The following NTRK2 variants were observed in gnomAD, a reference collection of about 807,000 sequenced individuals.
The protein encoded by NTRK2 is BDNF/NT-3 growth factors receptor.
NTRK2 carries 13 observed loss-of-function variants against 94.5 expected under a neutral mutation model. The observed-to-expected ratio is 0.14, with a 90% CI of 0.09 to 0.22. The LOEUF (loss-of-function observed/expected upper bound fraction) is 0.22, where lower values mean the gene tolerates loss of function less well. Among genes scored for constraint, NTRK2 ranks in the 10% least tolerant of loss-of-function variants. The pLI is 1.00. For synonymous variants in NTRK2, 372 were observed against 407.4 expected (o/e 0.91, Z 1.05); for missense variants, 639 against 1,071.2 (o/e 0.60, Z 5.63).
intron 16 of NTRK2, 47 bp from the exon 17 acceptor site, chr9:84,955,236 G>A (rs1823967534): frequency 6.6e-7 from 1 of 1,503,942 alleles, no homozygotes. Flanking sequence ...GGCCCCTGGA[G>A]TGAAAATGCT....
In NTRK2 at chr9:84,670,609, A is replaced by T. The variant is rs1244664328; in HGVS notation, c.-140A>T. ...GCTCCGGACCAGCTCAGCCTCTGAT[A>T]AGCTGGACTCGGCACGCCCGCAACA... On this transcript the variant is annotated 5_prime_UTR_variant, in exon 2 of 19. Transcript: ENST00000277120. The T allele has an allele frequency of 2.9e-5, 24 of 834,950 alleles. No individual in the cohort carries two copies. The highest frequency in any genetic ancestry group is 4.4e-5 in the Non-Finnish European group (22 of 501,306). 51.7% of individuals were successfully genotyped at this position (834,950 alleles called of 1,614,324 possible).
intron 10 of NTRK2, 25 bp from the exon 11 acceptor site, chr9:84,744,948 C>T (rs1437329109): frequency 6.5e-7 from 1 of 1,529,864 alleles, no homozygotes; most frequent in South Asian, 1.1e-5. Context: ...CATGTTCTTC[C>T]TCATTCCCCC....
intron 12 of NTRK2, among the ~76,000 whole-genome samples, chr9:84,840,432 A>G (rs4486281): frequency 0.42 from 63,293 of 151,618 alleles, 15,492 homozygotes; most frequent in African/African-American, 0.69. Context: ...TGCCACCTTT[A>G]TATGCATGGC....
At chr9:84,838,899 A>ATT (rs200912726) in intron 12 of NTRK2, among the ~76,000 whole-genome samples, 7 of 147,664 alleles carry the variant, frequency 4.7e-5, no homozygotes, top group East Asian at 2.0e-4. Flanking sequence ...AGCCTTAATG[A>ATT]TTTTTTTTTT....
rs2289661 is a variant in NTRK2, at chr9:84,928,766, G to T, written c.1634-5396G>T. On this transcript the variant is annotated intron_variant, in intron 14 of 18. Transcript: ENST00000277120. ...TGGGAGATGGAACTGCTAAAGGCAG[G>T]CTCTGCATTTAGGACCACAGGGAAA... is the stretch of plus-strand genomic sequence containing the variant. 8.1e-4 allele frequency among the ~76,000 whole-genome samples: 123 copies of T among 152,270 alleles called. 1 individual carries two copies. In the East Asian group the frequency reaches 0.022, roughly 28 times the overall value.
rs199815031 is a variant in NTRK2, at chr9:84,812,736, T to C, written c.1397-48304T>C. 263 of 1,040,732 alleles carry C rather than the reference T, an allele frequency of 2.5e-4. 5 individuals are homozygous for C. The South Asian group carries it at 0.011, about 43-fold the overall frequency. 64.5% of individuals were successfully genotyped at this position (1,040,732 alleles called of 1,614,324 possible). A position where few individuals can be genotyped will look rare whatever the true frequency, so the allele number is the denominator to read the frequency against. On this transcript the variant is annotated intron_variant, in intron 12 of 18. Transcript: ENST00000277120. ...GAAAGGCTATGGATTGTTTAAGAAC[T>C]ATTTTAAAGTGTTCCAGACCCAAAA...
intron 12 of NTRK2, among the ~76,000 whole-genome samples, chr9:84,793,247 A>T (rs1265648267): frequency 6.6e-6 from 1 of 152,068 alleles, no homozygotes; most frequent in African/African-American, 2.4e-5. Flanking sequence ...AAAATACCAT[A>T]TTGAGAACAG....
intron 9 of NTRK2, among the ~76,000 whole-genome samples, chr9:84,730,633 G>C (rs1458700365): frequency 1.4e-5 from 2 of 139,188 alleles, no homozygotes; most frequent in Admixed American, 1.4e-4. Context: ...CCAGCTACTC[G>C]GGGAGGCTGA....
intron 12 of NTRK2, among the ~76,000 whole-genome samples, chr9:84,760,571 C>T (rs574354174): frequency 6.6e-6 from 1 of 152,304 alleles, no homozygotes; most frequent in South Asian, 2.1e-4. Flanking sequence ...TTAAGCCCTT[C>T]AGCCCTTTAA....
At chr9:84,958,554 A>T (rs955392498) in intron 17 of NTRK2, among the ~76,000 whole-genome samples, 1 of 152,132 alleles carries the variant, frequency 6.6e-6, no homozygotes, top group African/African-American at 2.4e-5. Context: ...TGCCATGTTA[A>T]TTTCACCCCC....
intron 14 of NTRK2, among the ~76,000 whole-genome samples, chr9:84,905,452 T>C (rs1459041065): frequency 1.3e-5 from 2 of 152,206 alleles, no homozygotes; most frequent in East Asian, 3.8e-4. Context: ...TGAGACAGGG[T>C]AAAACAAGTT....
chr9:84,963,031 T>C (rs548364538), intron 17 of NTRK2, among the ~76,000 whole-genome samples: 2 of 152,290 alleles, frequency 1.3e-5, no homozygotes, highest in Admixed American at 6.5e-5. Flanking sequence ...GAGCTGTGGA[T>C]TGGCACTGGA....
At chr9:84,936,008 A>G (rs1019456504) in intron 15 of NTRK2, among the ~76,000 whole-genome samples, 1 of 152,146 alleles carries the variant, frequency 6.6e-6, no homozygotes, top group African/African-American at 2.4e-5. Flanking sequence ...AAGACTCTGG[A>G]TTTGTGTTCT....
chr9:84,840,467 A>G (rs975026808), intron 12 of NTRK2, among the ~76,000 whole-genome samples: 1 of 151,812 alleles, frequency 6.6e-6, no homozygotes, highest in Non-Finnish European at 1.5e-5. Context: ...CTCTCCTGAT[A>G]CAAGGCTTCT....
At chr9:84,892,614 C>T (rs761810215) in intron 14 of NTRK2, among the ~76,000 whole-genome samples, 13 of 152,216 alleles carry the variant, frequency 8.5e-5, no homozygotes, top group Non-Finnish European at 1.6e-4. Flanking sequence ...CAAGTACAAA[C>T]TGCAGTTCAA....
At position 84,946,059 on chromosome 9, in the gene NTRK2, C is replaced by T. The variant is rs545330045; in HGVS notation, c.1765-2403C>T. 3.9e-5 allele frequency among the ~76,000 whole-genome samples: 6 copies of T among 152,336 alleles called. No homozygotes were observed. In the South Asian group the frequency reaches 1.2e-3, roughly 32 times the overall value. ...CCGAGGCCGTGATCTAGAAAATGAC[C>T]ACCAGGGACCTGGCCGTGTTCTGGA... is the stretch of plus-strand genomic sequence containing the variant. On this transcript the variant is annotated intron_variant, in intron 15 of 18. Coordinates refer to ENST00000277120, the MANE Select transcript of NTRK2 (RefSeq NM_006180.6).
intron 14 of NTRK2, among the ~76,000 whole-genome samples, chr9:84,932,830 A>T (rs1200892620): frequency 2.0e-5 from 3 of 152,230 alleles, no homozygotes; most frequent in African/African-American, 7.2e-5. Context: ...TGAAGGATGA[A>T]CTAAGCAGAG....
intron 12 of NTRK2, among the ~76,000 whole-genome samples, chr9:84,820,315 G>A (rs137922923): frequency 0.023 from 3,540 of 151,814 alleles, 72 homozygotes; most frequent in Non-Finnish European, 0.034. Context: ...GACTACAGGC[G>A]TGCACCACCA....
intron 12 of NTRK2, among the ~76,000 whole-genome samples, chr9:84,800,954 T>C (rs1187183366): frequency 6.6e-6 from 1 of 152,242 alleles, no homozygotes; most frequent in East Asian, 1.9e-4. Flanking sequence ...GCAAAGTTCC[T>C]TTCCATGACT....
Sources: gnomAD v4.1 joint callset for allele counts (sites outside exome capture counted in the v4.1 genomes callset) on GRCh38, gnomAD v4.1.1 for gene constraint, MANE v1.5 for transcripts, NCBI Gene and HGNC (gene_info 2026-07-23, HGNC 2026-07-21) for gene names.